SAMMSON: variants seen among roughly 807,000 people sequenced by gnomAD.
SAMMSON encodes the protein long intergenic non-protein coding RNA 1212.
chr3:70,374,327 T>A (rs1702994427), intron 9 of SAMMSON, among the ~76,000 whole-genome samples: 1 of 152,200 alleles, frequency 6.6e-6, no homozygotes, highest in Non-Finnish European at 1.5e-5. Flanking sequence ...GTTCTTGGTA[T>A]GATGAGTGAT....
At chr3:70,127,319 G>C (rs1216451409) in intron 4 of SAMMSON, 1 of 152,106 alleles carries the variant, frequency 6.6e-6, no homozygotes, top group African/African-American at 2.4e-5. Context: ...TTCTAGGGAA[G>C]ACAGTGGTAC....
chr3:70,129,032 C>T (rs535899508), intron 4 of SAMMSON, among the ~76,000 whole-genome samples: 62 of 152,206 alleles, frequency 4.1e-4, no homozygotes, highest in Middle Eastern at 3.4e-3. Flanking sequence ...CTTTAACACC[C>T]GGTCTGGCAC....
chr3:70,055,411 A>T (rs1248623313), intron 3 of SAMMSON, among the ~76,000 whole-genome samples: 9 of 152,166 alleles, frequency 5.9e-5, no homozygotes, highest in South Asian at 4.1e-4. Context: ...TGGTTGTAGT[A>T]TTTTTAAAAG....
chr3:70,425,370 G>C (rs1014804054), intron 2 of SAMMSON, among the ~76,000 whole-genome samples: 2 of 152,082 alleles, frequency 1.3e-5, no homozygotes, highest in African/African-American at 4.8e-5. Flanking sequence ...CCAGCAGACT[G>C]ACAACCTATT....
In SAMMSON at chr3:70,383,733, A is replaced by G. The variant is rs1033664559; in HGVS notation, n.914-5841A>G. Among the ~76,000 whole-genome samples, 4 of 152,042 alleles carry G rather than the reference A, an allele frequency of 2.6e-5. No homozygotes were observed. In the South Asian group the frequency reaches 8.3e-4, roughly 32 times the overall value. ...GGAGGTTGAAGCAGTATCTAAATAT[A>G]GCATGTAAAAAGCCTTAGGCTAACT... is the stretch of plus-strand genomic sequence containing the variant. On this transcript the variant is annotated intron_variant and non_coding_transcript_variant, in intron 9 of 9. Transcript: ENST00000642114.
intron 4 of SAMMSON, among the ~76,000 whole-genome samples, chr3:70,215,136 C>A (rs1476008809): frequency 6.6e-6 from 1 of 152,084 alleles, no homozygotes; most frequent in Non-Finnish European, 1.5e-5. Context: ...CACTTAAAGT[C>A]TCTTATGTGC....
At chr3:70,409,607 G>A (rs1701202544) in intron 2 of SAMMSON, among the ~76,000 whole-genome samples, 1 of 152,054 alleles carries the variant, frequency 6.6e-6, no homozygotes, top group African/African-American at 2.4e-5. Context: ...CCCATGCTTG[G>A]TTTCCTCTTC....
intron 1 of SAMMSON, among the ~76,000 whole-genome samples, chr3:70,008,206 G>T (rs1057140039): frequency 6.6e-6 from 1 of 152,094 alleles, no homozygotes. Flanking sequence ...GCTTGATGGG[G>T]ATGGCATTGA....
chr3:70,227,055 A>T (rs1701514828), intron 4 of SAMMSON, among the ~76,000 whole-genome samples: 1 of 152,194 alleles, frequency 6.6e-6, no homozygotes, highest in Non-Finnish European at 1.5e-5. Flanking sequence ...CCATATGCAG[A>T]CATATGATAT....
At chr3:70,163,836 A>T (rs1027575557) in intron 4 of SAMMSON, among the ~76,000 whole-genome samples, 43 of 152,160 alleles carry the variant, frequency 2.8e-4, no homozygotes, top group African/African-American at 1.0e-3. Flanking sequence ...TTAGAAAAAA[A>T]TTGCCTCAAG....
At chr3:70,306,982 T>A (rs888566981) in intron 7 of SAMMSON, among the ~76,000 whole-genome samples, 5 of 152,112 alleles carry the variant, frequency 3.3e-5, no homozygotes, top group African/African-American at 1.2e-4. Context: ...TGTGTATATA[T>A]TTATATATAT....
intron 7 of SAMMSON, among the ~76,000 whole-genome samples, chr3:70,295,618 A>G (rs1702282613): frequency 6.6e-6 from 1 of 152,148 alleles, no homozygotes. Flanking sequence ...CTTGAGCCCA[A>G]GAGGTTGAGC....
chr3:70,379,027 ATTTT>A (rs1703044045), intron 9 of SAMMSON, among the ~76,000 whole-genome samples: 1 of 135,826 alleles, frequency 7.4e-6, no homozygotes, highest in South Asian at 2.3e-4. Context: ...TTATTTATTT[ATTTT>A]AAGACGGAGT....
chr3:70,245,310 T>C (rs1302682077), intron 4 of SAMMSON, among the ~76,000 whole-genome samples: 1 of 152,042 alleles, frequency 6.6e-6, no homozygotes, highest in Non-Finnish European at 1.5e-5. Context: ...GATAACATTT[T>C]CCTCTCTCAT....
At chr3:70,165,982 C>T (rs1225975889) in intron 4 of SAMMSON, among the ~76,000 whole-genome samples, 1 of 151,944 alleles carries the variant, frequency 6.6e-6, no homozygotes, top group South Asian at 2.1e-4. Context: ...CATTTAATTC[C>T]TCTGAGCCTC....
At chr3:70,408,115 G>A (rs1701190795) in intron 2 of SAMMSON, among the ~76,000 whole-genome samples, 2 of 152,160 alleles carry the variant, frequency 1.3e-5, no homozygotes, top group Non-Finnish European at 2.9e-5. Flanking sequence ...GGGACACATG[G>A]CACCAAGTCC....
chr3:70,023,503 A>G (rs999383786), intron 3 of SAMMSON, among the ~76,000 whole-genome samples: 1 of 151,862 alleles, frequency 6.6e-6, no homozygotes, highest in Non-Finnish European at 1.5e-5. Context: ...TTCTTTATTT[A>G]TAATATGTTT....
At chr3:70,268,193 G>T (rs763731634) in intron 6 of SAMMSON, among the ~76,000 whole-genome samples, 1 of 152,082 alleles carries the variant, frequency 6.6e-6, no homozygotes, top group Admixed American at 6.5e-5. Context: ...TTCTCCGGCT[G>T]GGCGCGGTAG....
At chr3:70,013,085 A>T (rs942439002) in intron 2 of SAMMSON, among the ~76,000 whole-genome samples, 1 of 152,156 alleles carries the variant, frequency 6.6e-6, no homozygotes, top group Non-Finnish European at 1.5e-5. Context: ...AGAAAAGGAT[A>T]AAATTAACTA....
Sources: gnomAD v4.1 joint callset for allele counts (sites outside exome capture counted in the v4.1 genomes callset) on GRCh38, gnomAD v4.1.1 for gene constraint, MANE v1.5 for transcripts, NCBI Gene and HGNC (gene_info 2026-07-23, HGNC 2026-07-21) for gene names.